The following ZNF500 variants were observed in gnomAD, a reference collection of about 807,000 sequenced individuals.
The protein encoded by ZNF500 is zinc finger protein with KRAB and SCAN domains 18.
ZNF500 carries 31 observed loss-of-function variants against 30.1 expected under a neutral mutation model. That is an observed-to-expected ratio of 1.03 (90% CI 0.77 to 1.39). The LOEUF is 1.39. Ranked by LOEUF, ZNF500 falls within the 40% of genes most tolerant of loss-of-function variation. ZNF500 has a pLI of 0.00. For missense variants in ZNF500, 817 were observed against 657.8 expected, an observed-to-expected ratio of 1.24 and a Z score of -2.65; for synonymous variants, 392 against 282.0, an observed-to-expected ratio of 1.39 and a Z score of -3.91.
chr16:4,747,301 G>GC, downstream of ZNF500: 1 of 1,519,184 alleles, frequency 6.6e-7, no homozygotes, highest in South Asian at 1.3e-5. Flanking sequence ...GGGAGGGGCG[G>GC]CCCCCACGGG....
chr16:4,746,255 C>G, downstream of ZNF500: 1 of 1,083,468 alleles, frequency 9.2e-7, no homozygotes, highest in East Asian at 2.4e-5. Context: ...ATGTGCCCGT[C>G]TGTAGAGAGT....
In ZNF500 at chr16:4,751,920, G is replaced by A. The variant is rs531564162; in HGVS notation, c.*456C>T. On this transcript the variant is annotated 3_prime_UTR_variant, in exon 6 of 6. Transcript: ENST00000219478. ...AAGGCCCCGTCTCAAAAAAAAAAGG[G>A]GGGGGGAGCAGGTGGGGGGTACACA... 8 of 335,140 alleles carry A rather than the reference G, an allele frequency of 2.4e-5. No homozygotes were observed. Among genetic ancestry groups the A allele is most frequent in the African/African-American group, 7.0e-5 (3 of 42,984 alleles). The allele number at this position is 335,140 out of a possible 1,614,324, so 20.8% of individuals were successfully genotyped here.
chr16:4,765,004 C>A (rs974494131), intron 2 of ZNF500, among the ~76,000 whole-genome samples: 1 of 151,486 alleles, frequency 6.6e-6, no homozygotes, highest in Non-Finnish European at 1.5e-5. Flanking sequence ...TCTCTCCCAC[C>A]AAAACCTATG....
intron 4 of ZNF500, among the ~76,000 whole-genome samples, chr16:4,761,313 G>T (rs1412891227): frequency 1.3e-5 from 2 of 151,868 alleles, no homozygotes; most frequent in African/African-American, 4.8e-5. Context: ...GGTGGTGGGT[G>T]CCTGTAATCC....
At chr16:4,747,518 C>G (rs192580420), downstream of ZNF500, 2 of 1,613,176 alleles carry the variant, frequency 1.2e-6, no homozygotes, top group Non-Finnish European at 1.7e-6. Flanking sequence ...TGCCAAGGGG[C>G]AGAGCGCCCA....
chr16:4,747,034 C>T (rs371755275), downstream of ZNF500: 2,045 of 1,521,606 alleles, frequency 1.3e-3, 18 homozygotes, highest in Middle Eastern at 6.8e-3. Flanking sequence ...CGGTAACCAC[C>T]CAGGGGCCTC....
At chr16:4,755,040 T>C (rs1414477006) in intron 5 of ZNF500, among the ~76,000 whole-genome samples, 1 of 152,216 alleles carries the variant, frequency 6.6e-6, no homozygotes, top group African/African-American at 2.4e-5. Flanking sequence ...CTTTCCACCA[T>C]GACTGGAAGC....
At position 4,751,486 on chromosome 16, in the gene ZNF500, T is replaced by C; in HGVS notation, c.*890A>G. 7.7e-7 allele frequency: 1 copy of C among 1,294,446 alleles called. No homozygotes were observed. Among genetic ancestry groups the C allele is most frequent in the Admixed American group, 2.5e-5 (1 of 39,910 alleles). 80.2% of individuals were successfully genotyped at this position (1,294,446 alleles called of 1,614,324 possible). ...GGTGTCTTCCGCCCTGCAGAGCAGC[T>C]ATGGATCTGCAAAGGGGACTGGAAT... On this transcript the variant is annotated 3_prime_UTR_variant, in exon 6 of 6. Transcript: ENST00000219478.
chr16:4,754,488 C>T (rs931261201), intron 5 of ZNF500, among the ~76,000 whole-genome samples: 1 of 151,710 alleles, frequency 6.6e-6, no homozygotes, highest in African/African-American at 2.4e-5. Context: ...GGTGAAACCC[C>T]ATTTTATTTT....
At chr16:4,745,353 C>T (rs1320261089), downstream of ZNF500, among the ~76,000 whole-genome samples, 1 of 152,200 alleles carries the variant, frequency 6.6e-6, no homozygotes, top group African/African-American at 2.4e-5. Context: ...CCTCTGGCCA[C>T]AGCTGATTGG....
At chr16:4,745,050 A>G, downstream of ZNF500, 3 of 1,599,104 alleles carry the variant, frequency 1.9e-6, no homozygotes, top group South Asian at 2.2e-5. Context: ...GTGGTCCTTT[A>G]GAATGGCCCC....
Position 4,763,690 on chromosome 16 carries a change from G to A in ZNF500, c.415-934C>T, listed in dbSNP as rs759990. 2.1e-3 allele frequency: 2,031 copies of A among 985,228 alleles called. 38 individuals are homozygous for A. The African/African-American group carries it at 0.033, about 16-fold the overall frequency. 61.0% of individuals were successfully genotyped at this position (985,228 alleles called of 1,614,324 possible). ...ATGGCCATGAGGCATGTGTGCAGAG[G>A]TGTCGGTGCAGTGACAGAAGGAAGC... On this transcript the variant is annotated intron_variant, in intron 2 of 5. Coordinates refer to ENST00000219478, the MANE Select transcript of ZNF500 (RefSeq NM_021646.4).
chr16:4,760,631 G>A, intron 4 of ZNF500, 43 bp from the exon 5 acceptor site: 3 of 1,573,968 alleles, frequency 1.9e-6, no homozygotes, highest in Non-Finnish European at 8.7e-7. Flanking sequence ...CAAGCAAGCT[G>A]CCTCCTCCCC....
intron 3 of ZNF500, 26 bp downstream of exon 3, chr16:4,762,547 C>G: frequency 6.3e-7 from 1 of 1,593,412 alleles, no homozygotes; most frequent in African/African-American, 1.3e-5. Flanking sequence ...CACCACTTCT[C>G]ATTCCTCCAA....
rs1036736299 is a variant in ZNF500, at chr16:4,751,441, A to T, written c.*935T>A. ...GCAACATGTCAGGAAGATGGAACTCAGGGGTGCTTTCCCGCCCCAGGTGTC... is the reference window on the plus strand; with the variant it reads ...GCAACATGTCAGGAAGATGGAACTCTGGGGTGCTTTCCCGCCCCAGGTGTC... On this transcript the variant is annotated 3_prime_UTR_variant, in exon 6 of 6. Transcript: ENST00000219478. 1.8e-5 allele frequency: 14 copies of T among 785,358 alleles called. No individual in the cohort carries two copies. Among genetic ancestry groups the T allele is most frequent in the Non-Finnish European group, 2.5e-5 (13 of 511,402 alleles). The allele number at this position is 785,358 out of a possible 1,614,324, so 48.6% of individuals were successfully genotyped here. A position where few individuals can be genotyped will look rare whatever the true frequency, so the allele number is the denominator to read the frequency against.
intron 5 of ZNF500, among the ~76,000 whole-genome samples, chr16:4,754,716 G>A (rs1481416717): frequency 2.0e-5 from 3 of 151,546 alleles, no homozygotes; most frequent in Non-Finnish European, 4.4e-5. Context: ...GAGGAGGATT[G>A]GAACCACCTC....
intron 4 of ZNF500, 69 bp from the exon 5 acceptor site, chr16:4,760,657 C>G (rs906324042): frequency 7.1e-7 from 1 of 1,418,332 alleles, no homozygotes; most frequent in Admixed American, 1.8e-5. Flanking sequence ...AGGCCACTGG[C>G]CCAGGGAGCT....
intron 5 of ZNF500, among the ~76,000 whole-genome samples, chr16:4,754,673 A>T (rs2082118512): frequency 7.1e-6 from 1 of 141,340 alleles, no homozygotes; most frequent in South Asian, 2.1e-4. Flanking sequence ...CAAAAAAATA[A>T]AAAAAAAAAA....
Position 4,766,051 on chromosome 16 carries a change from A to C in ZNF500, c.-73T>G. ...TCTCTCTCTATACCTCTGGCCAGAC[A>C]CAGGAAGAGAGTTTTTTTCAGGGCC... On this transcript the variant is annotated 5_prime_UTR_variant, in exon 2 of 6. Transcript: ENST00000219478. 1 of 1,481,828 alleles carries C rather than the reference A, an allele frequency of 6.7e-7. No homozygotes were observed. 91.8% of individuals were successfully genotyped at this position (1,481,828 alleles called of 1,614,324 possible). A position where few individuals can be genotyped will look rare whatever the true frequency, so the allele number is the denominator to read the frequency against.
Sources: gnomAD v4.1 joint callset for allele counts (sites outside exome capture counted in the v4.1 genomes callset) on GRCh38, gnomAD v4.1.1 for gene constraint, MANE v1.5 for transcripts, NCBI Gene and HGNC (gene_info 2026-07-23, HGNC 2026-07-21) for gene names.